The following SNX24 variants were observed in gnomAD, a reference collection of about 807,000 sequenced individuals.
SNX24 encodes sorting nexin-24.
A neutral mutation model predicts 28.7 loss-of-function variants in SNX24; 22 were observed. The observed-to-expected ratio is 0.77, with a 90% CI of 0.55 to 1.10. The LOEUF (loss-of-function observed/expected upper bound fraction) is 1.10, where lower values mean the gene tolerates loss of function less well. Among genes scored for constraint, SNX24 ranks in the 50% least tolerant of loss-of-function variants. SNX24 has a pLI of 0.00. For missense variants in SNX24, 221 were observed against 201.1 expected (o/e 1.10, Z -0.60); for synonymous variants, 69 against 71.5 (o/e 0.96, Z 0.18).
chr5:122,851,967 G>GT (rs1370872989), intron 1 of SNX24, among the ~76,000 whole-genome samples: 1 of 151,830 alleles, frequency 6.6e-6, no homozygotes, highest in Non-Finnish European at 1.5e-5. Flanking sequence ...ATAGCATCCA[G>GT]TTTCTGGTTG....
intron 3 of SNX24, chr5:122,965,448 T>A (rs1561667016): frequency 2.2e-6 from 1 of 455,494 alleles, no homozygotes; most frequent in East Asian, 6.9e-5. Flanking sequence ...CCAAGAGAAA[T>A]GTGGGTGCTT....
intron 2 of SNX24, among the ~76,000 whole-genome samples, chr5:122,937,378 C>T (rs565760891): frequency 6.6e-6 from 1 of 152,246 alleles, no homozygotes; most frequent in South Asian, 2.1e-4. Flanking sequence ...CACTAGGATA[C>T]ACTTCTTTAA....
chr5:122,902,061 T>C (rs980670904), intron 1 of SNX24, among the ~76,000 whole-genome samples: 2 of 152,248 alleles, frequency 1.3e-5, no homozygotes, highest in African/African-American at 4.8e-5. Context: ...GTCCTTCATC[T>C]GGGCATTCAG....
chr5:123,025,341 T>G (rs1430721393), intron 5 of SNX24, among the ~76,000 whole-genome samples: 1 of 152,218 alleles, frequency 6.6e-6, no homozygotes, highest in Non-Finnish European at 1.5e-5. Context: ...ACTACCATTC[T>G]ACTTTCTGTT....
In SNX24 at chr5:123,019,831, A is replaced by G. The variant is rs1162793566; in HGVS notation, n.384-9407A>G. Among the ~76,000 whole-genome samples the G allele has an allele frequency of 2.6e-5, 4 of 152,362 alleles. No individual in the cohort carries two copies. In the South Asian group the frequency reaches 8.3e-4, roughly 32 times the overall value. On this transcript the variant is annotated intron_variant and non_coding_transcript_variant, in intron 5 of 5. Coordinates refer to the SNX24 transcript ENST00000502387. ...CAAAAGCTTTTGCAGAAAACATTAA[A>G]AAGTAACAGTTCCTATTTTCATAGT...
At chr5:122,990,953 G>A (rs1360455799) in intron 3 of SNX24, among the ~76,000 whole-genome samples, 2 of 152,096 alleles carry the variant, frequency 1.3e-5, no homozygotes, top group East Asian at 3.9e-4. Context: ...CTGGAGTGCA[G>A]TGGCCCTATC....
intron 3 of SNX24, among the ~76,000 whole-genome samples, chr5:122,951,006 G>A (rs1002029759): frequency 2.0e-5 from 3 of 152,052 alleles, no homozygotes; most frequent in Non-Finnish European, 2.9e-5. Flanking sequence ...GGTGGCTCAC[G>A]CCTGTAATCC....
chr5:122,924,706 G>A (rs910172556), intron 1 of SNX24, among the ~76,000 whole-genome samples: 3 of 152,036 alleles, frequency 2.0e-5, no homozygotes, highest in Admixed American at 1.3e-4. Context: ...ATACCTTGTC[G>A]TATTTATTTA....
At chr5:122,852,499 A>G (rs536625381) in intron 1 of SNX24, among the ~76,000 whole-genome samples, 2 of 152,178 alleles carry the variant, frequency 1.3e-5, no homozygotes, top group African/African-American at 4.8e-5. Context: ...GCATGCCATC[A>G]TGTCCGGCAA....
chr5:122,935,454 ACC>A (rs1759141059), intron 1 of SNX24, among the ~76,000 whole-genome samples: 1 of 152,196 alleles, frequency 6.6e-6, no homozygotes, highest in African/African-American at 2.4e-5. Flanking sequence ...CTAATAGTTC[ACC>A]AAAGGAAAGT....
At chr5:122,887,002 AT>A (rs1356346080) in intron 1 of SNX24, among the ~76,000 whole-genome samples, 2 of 152,134 alleles carry the variant, frequency 1.3e-5, no homozygotes, top group Non-Finnish European at 2.9e-5. Flanking sequence ...TAATTTATTC[AT>A]ATCCGTACTT....
At chr5:122,956,774 T>C (rs987605638) in intron 3 of SNX24, among the ~76,000 whole-genome samples, 2 of 152,174 alleles carry the variant, frequency 1.3e-5, no homozygotes, top group African/African-American at 4.8e-5. Context: ...TTTGCATTTT[T>C]CTAATGATCG....
chr5:122,873,834 C>T (rs921087886), intron 1 of SNX24, among the ~76,000 whole-genome samples: 3 of 146,368 alleles, frequency 2.0e-5, no homozygotes, highest in Non-Finnish European at 3.0e-5. Flanking sequence ...GGCGCAATCT[C>T]GGCTTACTGC....
At chr5:123,009,849 G>A (rs938173023), downstream of SNX24, among the ~76,000 whole-genome samples, 1 of 152,206 alleles carries the variant, frequency 6.6e-6, no homozygotes, top group Non-Finnish European at 1.5e-5. Context: ...GACCTGCCTG[G>A]GGAGCTACAG....
At chr5:122,990,994 T>C (rs1761822580) in intron 3 of SNX24, among the ~76,000 whole-genome samples, 1 of 152,090 alleles carries the variant, frequency 6.6e-6, no homozygotes, top group Admixed American at 6.5e-5. Flanking sequence ...CCTCCTAAGT[T>C]CAAGCAATTC....
chr5:122,968,826 ATTTG>A (rs1760827038), intron 3 of SNX24, among the ~76,000 whole-genome samples: 1 of 152,038 alleles, frequency 6.6e-6, no homozygotes, highest in African/African-American at 2.4e-5. Flanking sequence ...ATAAAATAAA[ATTTG>A]TTTATTACTT....
At chr5:122,972,937 T>TTGCTGA (rs1432525875) in intron 3 of SNX24, among the ~76,000 whole-genome samples, 1 of 152,212 alleles carries the variant, frequency 6.6e-6, no homozygotes, top group East Asian at 1.9e-4. Flanking sequence ...TAAGTCCATG[T>TTGCTGA]TGCTGAGCCC....
intron 3 of SNX24, among the ~76,000 whole-genome samples, chr5:122,992,777 C>T (rs1761908481): frequency 6.6e-6 from 1 of 152,172 alleles, no homozygotes; most frequent in Non-Finnish European, 1.5e-5. Context: ...GTTGGGCTAA[C>T]CATTGTGTCC....
chr5:122,865,063 G>T (rs1186025426), intron 1 of SNX24, among the ~76,000 whole-genome samples: 1 of 152,232 alleles, frequency 6.6e-6, no homozygotes, highest in Non-Finnish European at 1.5e-5. Context: ...CTTTTGCAAA[G>T]GCAGTTTCAG....
Sources: gnomAD v4.1 joint callset for allele counts (sites outside exome capture counted in the v4.1 genomes callset) on GRCh38, gnomAD v4.1.1 for gene constraint, MANE v1.5 for transcripts, NCBI Gene and HGNC (gene_info 2026-07-23, HGNC 2026-07-21) for gene names.